Variants in TAFA2 observed in about 807,000 individuals in gnomAD.
TAFA2 encodes TAFA chemokine like family member 2.
In TAFA2, 7 loss-of-function variants were observed where a neutral mutation model predicts 18.8. That is an observed-to-expected ratio of 0.37 (90% confidence interval 0.21 to 0.70). The LOEUF (loss-of-function observed/expected upper bound fraction) is 0.70. Ranked by LOEUF, TAFA2 falls within the 30% of genes least tolerant of loss-of-function variation. TAFA2 has a pLI of 0.53. For missense variants in TAFA2, 122 were observed against 158.1 expected, an observed-to-expected ratio of 0.77 and a Z score of 1.23; for synonymous variants, 60 against 54.2, an observed-to-expected ratio of 1.11 and a Z score of -0.47.
At chr12:61,806,544 C>A (rs1376431208) in intron 2 of TAFA2, among the ~76,000 whole-genome samples, 1 of 152,082 alleles carries the variant, frequency 6.6e-6, no homozygotes, top group Non-Finnish European at 1.5e-5. Context: ...TGAACAGATA[C>A]CCAAAAATGT....
intron 1 of TAFA2, among the ~76,000 whole-genome samples, chr12:62,155,185 C>T: frequency 6.6e-6 from 1 of 152,152 alleles, no homozygotes; most frequent in East Asian, 1.9e-4. Context: ...AGAACTCAAC[C>T]TCTTTTACAA....
At chr12:61,801,655 A>G (rs1212016667) in intron 2 of TAFA2, among the ~76,000 whole-genome samples, 4 of 152,092 alleles carry the variant, frequency 2.6e-5, no homozygotes, top group Admixed American at 6.6e-5. Context: ...CTTTAAAACT[A>G]CTAGAAGAAA....
rs1447062341 is a variant in TAFA2 at position 62,147,304 on chromosome 12, A to ATG, written c.-2+43953_-2+43954dup. Among the ~76,000 whole-genome samples, 257 of 76,074 alleles carry ATG rather than the reference A, an allele frequency of 3.4e-3. 3 individuals are homozygous for ATG. The highest frequency in any genetic ancestry group is 5.4e-3 in the Non-Finnish European group (204 of 37,882). 49.9% of individuals were successfully genotyped at this position (76,074 alleles called of 152,430 possible). A position where few individuals can be genotyped will look rare whatever the true frequency, so the allele number is the denominator to read the frequency against. ...TATATATGTATGTATATATGTATGC[A>ATG]TGTGTGTGTGTGTGTATGTATGTAT... On this transcript the variant is annotated intron_variant, in intron 1 of 4. Transcript: ENST00000416284.
At chr12:61,898,633 T>G (rs1875960433) in intron 1 of TAFA2, among the ~76,000 whole-genome samples, 1 of 151,678 alleles carries the variant, frequency 6.6e-6, no homozygotes, top group African/African-American at 2.4e-5. Flanking sequence ...ATAGCTGGAA[T>G]GCAAGGCACA....
intron 1 of TAFA2, among the ~76,000 whole-genome samples, chr12:61,949,556 G>T (rs1878394653): frequency 6.6e-6 from 1 of 152,080 alleles, no homozygotes; most frequent in South Asian, 2.1e-4. Flanking sequence ...CACAGGCTTT[G>T]ATCCAGCTAG....
chr12:62,122,685 A>G (rs975800072), intron 1 of TAFA2, among the ~76,000 whole-genome samples: 1 of 152,176 alleles, frequency 6.6e-6, no homozygotes, highest in Admixed American at 6.5e-5. Context: ...ATTCCTCTCA[A>G]TGAGTGATTG....
intron 1 of TAFA2, among the ~76,000 whole-genome samples, chr12:62,091,965 C>G (rs1190785454): frequency 6.6e-6 from 1 of 151,936 alleles, no homozygotes; most frequent in Non-Finnish European, 1.5e-5. Context: ...TGGTGTGACA[C>G]TGAACAATAA....
intron 2 of TAFA2, among the ~76,000 whole-genome samples, chr12:61,840,219 G>A (rs1873116584): frequency 1.3e-5 from 2 of 151,934 alleles, no homozygotes; most frequent in East Asian, 1.9e-4. Context: ...GGAAGCAGTG[G>A]CATTTTTAGG....
chr12:61,771,214 A>G (rs1211643716), intron 2 of TAFA2, among the ~76,000 whole-genome samples: 1 of 152,076 alleles, frequency 6.6e-6, no homozygotes, highest in East Asian at 1.9e-4. Context: ...CTAAATATAT[A>G]TGCACCTAAC....
At chr12:62,062,825 G>C in intron 1 of TAFA2, among the ~76,000 whole-genome samples, 1 of 152,078 alleles carries the variant, frequency 6.6e-6, no homozygotes, top group Non-Finnish European at 1.5e-5. Flanking sequence ...CCATTTTCCT[G>C]CTGGCCCTAA....
At chr12:61,849,202 T>G (rs923729741) in intron 2 of TAFA2, among the ~76,000 whole-genome samples, 18 of 152,152 alleles carry the variant, frequency 1.2e-4, no homozygotes, top group African/African-American at 4.3e-4. Flanking sequence ...TTTATACCAA[T>G]CCAGTGCAGA....
intron 1 of TAFA2, among the ~76,000 whole-genome samples, chr12:61,915,361 A>G (rs1191288693): frequency 6.6e-6 from 1 of 152,192 alleles, no homozygotes; most frequent in Non-Finnish European, 1.5e-5. Flanking sequence ...AAATCCTTTG[A>G]TGACAAGGAA....
rs371647799 is a variant in TAFA2, at chr12:62,036,703, T to C, written c.-2+154556A>G. 4.6e-5 allele frequency among the ~76,000 whole-genome samples: 7 copies of C among 152,242 alleles called. No individual in the cohort carries two copies. The East Asian group carries it at 1.2e-3, about 25-fold the overall frequency. Reference sequence around the variant, plus strand: ...ACAATGTAAAATATGTAGCAATGATTATATACATATATTATGCTCCTTTGA... The same window carrying C: ...ACAATGTAAAATATGTAGCAATGATCATATACATATATTATGCTCCTTTGA... On this transcript the variant is annotated intron_variant, in intron 1 of 4. Transcript: ENST00000416284.
chr12:62,018,709 A>C (rs1881019905), intron 1 of TAFA2, among the ~76,000 whole-genome samples: 1 of 152,210 alleles, frequency 6.6e-6, no homozygotes, highest in African/African-American at 2.4e-5. Flanking sequence ...TAGACCTAAA[A>C]CCACAAAAAC....
At position 61,708,522 on chromosome 12, in the gene TAFA2, T is replaced by G. The variant is rs2120519123; in HGVS notation, c.*1884A>C. 1 of 152,226 alleles carries G rather than the reference T, an allele frequency of 6.6e-6. No individual in the cohort carries two copies. The highest frequency in any genetic ancestry group is 1.5e-5 in the Non-Finnish European group (1 of 67,970). 9.4% of individuals were successfully genotyped at this position (152,226 alleles called of 1,614,324 possible). ...TTCATAATTTCCAAAAAGTATAGTT[T>G]TTCACTTGGTTACAAAGAAATTAAT... On this transcript the variant is annotated 3_prime_UTR_variant, in exon 5 of 5. Coordinates refer to ENST00000416284, the MANE Select transcript of TAFA2 (RefSeq NM_178539.5).
chr12:61,745,446 C>A lies in TAFA2; in HGVS notation c.384+8176G>T, dbSNP rs139112922. On this transcript the variant is annotated intron_variant, in intron 4 of 4. Transcript: ENST00000416284. Reference sequence around the variant, plus strand: ...CAGGTACTTTCACTTCTTCCCTCTGCCTGGATAGCTTGTCCTCCATTTAGC... The same window carrying A: ...CAGGTACTTTCACTTCTTCCCTCTGACTGGATAGCTTGTCCTCCATTTAGC... Among the ~76,000 whole-genome samples, 267 of 152,092 alleles carry A rather than the reference C, an allele frequency of 1.8e-3. 1 individual carries two copies. Among genetic ancestry groups the A allele is most frequent in the Middle Eastern group, 0.014 (4 of 294 alleles).
intron 1 of TAFA2, chr12:62,235,197 G>C: frequency 3.0e-6 from 2 of 664,494 alleles, no homozygotes; most frequent in East Asian, 2.9e-5. Flanking sequence ...CCGGAAAGGA[G>C]TGGGAGTCGC....
intron 2 of TAFA2, among the ~76,000 whole-genome samples, chr12:61,814,734 A>G (rs962290509): frequency 6.6e-6 from 1 of 151,278 alleles, no homozygotes; most frequent in Non-Finnish European, 1.5e-5. Flanking sequence ...GGTCCAATGT[A>G]ATCACAAGGA....
At position 62,074,281 on chromosome 12, in the gene TAFA2, A is replaced by G. The variant is rs1262267075; in HGVS notation, c.-2+116978T>C. 2.0e-5 allele frequency among the ~76,000 whole-genome samples: 3 copies of G among 152,228 alleles called. No homozygotes were observed. The East Asian group carries it at 5.8e-4, about 29-fold the overall frequency. On this transcript the variant is annotated intron_variant, in intron 1 of 4. Coordinates refer to ENST00000416284, the MANE Select transcript of TAFA2 (RefSeq NM_178539.5). ...CACAGGCACAGAGTTTTTCCAGCAA[A>G]TATCATTAAGTACTTTATTTTTGCA...
Sources: gnomAD v4.1 joint callset for allele counts (sites outside exome capture counted in the v4.1 genomes callset) on GRCh38, gnomAD v4.1.1 for gene constraint, MANE v1.5 for transcripts, NCBI Gene and HGNC (gene_info 2026-07-23, HGNC 2026-07-21) for gene names.